Variants in BEND6 observed in about 807,000 individuals in gnomAD.
The protein encoded by BEND6 is BEN domain-containing protein 6.
In BEND6, 24 loss-of-function variants were observed where a neutral mutation model predicts 31.8. The observed-to-expected ratio is 0.75, with a 90% confidence interval of 0.55 to 1.06. The LOEUF is 1.06. Ranked by LOEUF, BEND6 falls within the 50% of genes least tolerant of loss-of-function variation. The pLI, the probability that BEND6 is intolerant of heterozygous loss-of-function variation, is 0.00. For missense variants in BEND6, 294 were observed against 327.4 expected (o/e 0.90, Z 0.79); for synonymous variants, 109 against 114.6 (o/e 0.95, Z 0.31).
chr6:56,967,540 A>G (rs1489660059), intron 1 of BEND6, among the ~76,000 whole-genome samples: 1 of 152,158 alleles, frequency 6.6e-6, no homozygotes, highest in African/African-American at 2.4e-5. Context: ...CGGGAGCCCA[A>G]ACAGGTCAAA....
Position 57,018,403 on chromosome 6 carries a change from G to T in BEND6, c.713-18G>T. On this transcript the variant is annotated intron_variant, in intron 5 of 6. Transcript: ENST00000370746. Reference sequence around the variant, plus strand: ...GCACTCATGAAGTTTCTCATGTGTCGCTATTGGTTTTTTACAGGAGTAACA... The same window carrying T: ...GCACTCATGAAGTTTCTCATGTGTCTCTATTGGTTTTTTACAGGAGTAACA... 2.5e-6 allele frequency: 4 copies of T among 1,576,174 alleles called. No homozygotes were observed. The highest frequency in any genetic ancestry group is 1.2e-5 in the South Asian group (1 of 82,890).
chr6:57,017,355 C>G lies in BEND6; in HGVS notation c.668C>G (p.Ala223Gly). ...AAATCCTCTACTTCAAGGGACAAAG[C>G]TGTAAAACCAGCTATGAATCAGAAT... ...GAKSSTSRDKAVKPAMNQNEV... is the reference protein window; with the variant it reads ...GAKSSTSRDKGVKPAMNQNEV... The change falls in exon 5 of 7, where the codon GCT becomes GGT. Residue 223 changes from alanine (A) to glycine (G), a missense_variant. Coordinates refer to ENST00000370746, the MANE Select transcript of BEND6 (RefSeq NM_152731.3). 7.2e-7 allele frequency: 1 copy of G among 1,391,826 alleles called. No individual in the cohort carries two copies. Among genetic ancestry groups the G allele is most frequent in the East Asian group, 2.7e-5 (1 of 36,614 alleles). The allele number at this position is 1,391,826 out of a possible 1,614,324, so 86.2% of individuals were successfully genotyped here. A position where few individuals can be genotyped will look rare whatever the true frequency, so the allele number is the denominator to read the frequency against.
intron 1 of BEND6, among the ~76,000 whole-genome samples, chr6:56,964,975 T>G (rs1825418373): frequency 6.6e-6 from 1 of 152,244 alleles, no homozygotes; most frequent in African/African-American, 2.4e-5. Flanking sequence ...CATCCTTAAC[T>G]GGTTTCTTAG....
intron 1 of BEND6, among the ~76,000 whole-genome samples, chr6:56,964,409 CT>C (rs1262694887): frequency 6.6e-6 from 1 of 152,176 alleles, no homozygotes; most frequent in African/African-American, 2.4e-5. Flanking sequence ...CTGTGTCCTG[CT>C]GACTGTTCTA....
chr6:57,005,194 G>A (rs1827110235), intron 3 of BEND6, among the ~76,000 whole-genome samples: 1 of 151,936 alleles, frequency 6.6e-6, no homozygotes, highest in Non-Finnish European at 1.5e-5. Context: ...ATATCTAGTA[G>A]CTACCAGTTT....
At position 57,017,252 on chromosome 6, in the gene BEND6, C is replaced by T; in HGVS notation, c.565C>T (p.Pro189Ser). Residue 189 changes from proline to serine, a missense_variant, in exon 5 of 7, where the codon CCT becomes TCT. Transcript: ENST00000370746. The part of the protein sequence containing the change: ...WQIARCNKSK[P>S]QKFINDLMQV... Reference sequence around the variant, plus strand: ...GATTGCCCGTTGTAACAAGAGCAAGCCTCAGAAGTTTATTAATGATTTAAT... The same window carrying T: ...GATTGCCCGTTGTAACAAGAGCAAGTCTCAGAAGTTTATTAATGATTTAAT... 6.4e-7 allele frequency: 1 copy of T among 1,560,654 alleles called. No homozygotes were observed. The highest frequency in any genetic ancestry group is 8.7e-7 in the Non-Finnish European group (1 of 1,154,212).
intron 1 of BEND6, among the ~76,000 whole-genome samples, chr6:56,965,776 G>C (rs1647414273): frequency 6.6e-6 from 1 of 150,466 alleles, no homozygotes; most frequent in African/African-American, 2.4e-5. Context: ...TATTATAATT[G>C]ATTAGATTAA....
chr6:57,006,440 A>G (rs1827160125), intron 3 of BEND6, among the ~76,000 whole-genome samples: 1 of 152,234 alleles, frequency 6.6e-6, no homozygotes, highest in African/African-American at 2.4e-5. Context: ...CCTGCAAACT[A>G]TGTAGTCATG....
At chr6:57,018,748 T>C (rs925246225) in intron 6 of BEND6, among the ~76,000 whole-genome samples, 191 bp downstream of exon 6, 4 of 152,112 alleles carry the variant, frequency 2.6e-5, no homozygotes, top group African/African-American at 9.7e-5. Context: ...CTGGGTTCAG[T>C]TTTTCTTCCT....
intron 5 of BEND6, among the ~76,000 whole-genome samples, chr6:57,017,850 G>A (rs1827617242): frequency 1.3e-5 from 2 of 152,066 alleles, no homozygotes; most frequent in South Asian, 4.1e-4. Context: ...ACAAATGTAA[G>A]GATTCTCTGA....
In BEND6 at chr6:57,026,214, T is replaced by C. The variant is rs947752853; in HGVS notation, c.*142T>C. 6.6e-6 allele frequency: 1 copy of C among 152,192 alleles called. No homozygotes were observed. Among genetic ancestry groups the C allele is most frequent in the Non-Finnish European group, 1.5e-5 (1 of 68,048 alleles). The allele number at this position is 152,192 out of a possible 1,614,324, so 9.4% of individuals were successfully genotyped here. A position where few individuals can be genotyped will look rare whatever the true frequency, so the allele number is the denominator to read the frequency against. On this transcript the variant is annotated 3_prime_UTR_variant, in exon 7 of 7. Transcript: ENST00000370746. ...GACAGGCTGTAAGACATATGTAACA[T>C]TGCTGAGCTCTCCTAAGGGACCAAC...
In BEND6 at chr6:57,025,961, A is replaced by G. The variant is rs144504772; in HGVS notation, c.*10-121A>G. On this transcript the variant is annotated intron_variant, in intron 6 of 6. Coordinates refer to ENST00000370746, the MANE Select transcript of BEND6 (RefSeq NM_152731.3). ...GCTATTTTGGAACCAGAGTCCCTCA[A>G]CAATTTGTATTTTTAATACAAATTT... is the stretch of plus-strand genomic sequence containing the variant. 1.9e-3 allele frequency: 283 copies of G among 152,278 alleles called. 1 individual carries two copies. The highest frequency in any genetic ancestry group is 6.4e-3 in the African/African-American group (264 of 41,556). The allele number at this position is 152,278 out of a possible 1,614,324, so 9.4% of individuals were successfully genotyped here. A position where few individuals can be genotyped will look rare whatever the true frequency, so the allele number is the denominator to read the frequency against.
intron 1 of BEND6, among the ~76,000 whole-genome samples, chr6:56,972,086 C>CTTTTTTTTTT (rs35524907): frequency 8.0e-5 from 5 of 62,530 alleles, no homozygotes; most frequent in Non-Finnish European, 8.5e-5. Context: ...ACTTTACTTT[C>CTTTTTTTTTT]TTTTTTTTTT....
intron 3 of BEND6, chr6:57,014,406 A>G: frequency 8.6e-7 from 1 of 1,162,966 alleles, no homozygotes; most frequent in East Asian, 2.9e-5. Context: ...TGAGGAACTG[A>G]ATTAGACAAG....
Position 57,015,095 on chromosome 6 carries a change from A to G in BEND6, c.299-38A>G, listed in dbSNP as rs552768315. 5 of 1,553,020 alleles carry G rather than the reference A, an allele frequency of 3.2e-6. No individual in the cohort carries two copies. The Admixed American group carries it at 8.5e-5, about 26-fold the overall frequency. On this transcript the variant is annotated intron_variant, in intron 3 of 6. Transcript: ENST00000370746. ...ATATGTACATATGCACCTATTATCA[A>G]TGGTATTTGTAAAGTGTACTTTTTC...
intron 6 of BEND6, among the ~76,000 whole-genome samples, chr6:57,021,553 A>G (rs1197198340): frequency 2.6e-5 from 4 of 151,882 alleles, no homozygotes; most frequent in African/African-American, 7.3e-5. Flanking sequence ...ATTCTTTCTT[A>G]TTCCTGTGGC....
intron 3 of BEND6, among the ~76,000 whole-genome samples, chr6:56,998,168 T>C (rs1221827498): frequency 2.6e-5 from 4 of 152,114 alleles, no homozygotes; most frequent in Non-Finnish European, 4.4e-5. Flanking sequence ...AAAGCTGCAG[T>C]TGGGAACTAG....
At chr6:57,017,484 T>G (rs558317097) in intron 5 of BEND6, 85 bp downstream of exon 5, 1 of 1,088,338 alleles carries the variant, frequency 9.2e-7, no homozygotes, top group Non-Finnish European at 1.2e-6. Context: ...ATGGTCCTTT[T>G]ATTTTTTAAA....
intron 3 of BEND6, among the ~76,000 whole-genome samples, chr6:57,002,765 A>G (rs1283720140): frequency 6.6e-6 from 1 of 152,176 alleles, no homozygotes; most frequent in Non-Finnish European, 1.5e-5. Context: ...AAAGTTAGAA[A>G]TACCTCAATG....
Sources: gnomAD v4.1 joint callset for allele counts (sites outside exome capture counted in the v4.1 genomes callset) on GRCh38, gnomAD v4.1.1 for gene constraint, MANE v1.5 for transcripts, NCBI Gene and HGNC (gene_info 2026-07-23, HGNC 2026-07-21) for gene names.